UBE3C: variants seen among roughly 807,000 people sequenced by gnomAD.
UBE3C encodes ubiquitin protein ligase E3C.
Under a neutral mutation model 129.4 loss-of-function variants are expected in UBE3C, and 42 were observed. The ratio of observed to expected loss-of-function variants is 0.32; its 90% confidence interval spans 0.25 to 0.42. UBE3C has a LOEUF of 0.42. Among genes scored for constraint, UBE3C ranks in the 10% least tolerant of loss-of-function variants. UBE3C has a pLI of 1.00. For missense variants in UBE3C, 1,049 were observed against 1,319.1 expected, an observed-to-expected ratio of 0.80 and a Z score of 3.17; for synonymous variants, 510 against 492.4, an observed-to-expected ratio of 1.04 and a Z score of -0.47.
intron 10 of UBE3C, chr7:157,198,446 C>A (rs1006881036): frequency 1.5e-5 from 8 of 520,224 alleles, no homozygotes; most frequent in Non-Finnish European, 2.5e-5. Flanking sequence ...CCTGTGCGCT[C>A]GGAGGCCACA....
At position 157,169,181 on chromosome 7, in the gene UBE3C, G is replaced by A. The variant is rs1563037579; in HGVS notation, c.195+59G>A. ...GCATGGGAGAGCTTATTTTAAATATGGTATCTTTGTACACCTTGTTAATTG... is the reference window on the plus strand; with the variant it reads ...GCATGGGAGAGCTTATTTTAAATATAGTATCTTTGTACACCTTGTTAATTG... On this transcript the variant is annotated intron_variant, in intron 3 of 22. Coordinates refer to ENST00000348165, the MANE Select transcript of UBE3C (RefSeq NM_014671.3). 8 of 1,364,908 alleles carry A rather than the reference G, an allele frequency of 5.9e-6. No individual in the cohort carries two copies. The Admixed American group carries it at 1.0e-4, about 18-fold the overall frequency. 84.5% of individuals were successfully genotyped at this position (1,364,908 alleles called of 1,614,324 possible). A position where few individuals can be genotyped will look rare whatever the true frequency, so the allele number is the denominator to read the frequency against.
chr7:157,176,919 G>C (rs970878170), intron 5 of UBE3C, among the ~76,000 whole-genome samples: 7 of 152,168 alleles, frequency 4.6e-5, no homozygotes, highest in African/African-American at 1.7e-4. Flanking sequence ...TTAGTAAGTC[G>C]ACAGTCTTAT....
At chr7:157,163,945 T>A in intron 2 of UBE3C, 82 bp downstream of exon 2, 1 of 1,236,596 alleles carries the variant, frequency 8.1e-7, no homozygotes, top group Middle Eastern at 2.5e-4. Flanking sequence ...TGTATATATG[T>A]ATGTGTGTAT....
chr7:157,264,194 C>G (rs980844242), intron 22 of UBE3C, among the ~76,000 whole-genome samples: 12 of 150,998 alleles, frequency 7.9e-5, no homozygotes, highest in African/African-American at 2.7e-4. Context: ...AGCACAGAGA[C>G]ACACACCTGG....
chr7:157,227,311 G>A (rs1795905232), intron 17 of UBE3C, among the ~76,000 whole-genome samples: 1 of 152,176 alleles, frequency 6.6e-6, no homozygotes, highest in African/African-American at 2.4e-5. Context: ...CACGGGTGCT[G>A]TGGTCAGGGG....
At chr7:157,198,637 C>T (rs914271160) in intron 10 of UBE3C, 7 of 223,460 alleles carry the variant, frequency 3.1e-5, no homozygotes, top group Non-Finnish European at 6.2e-5. Flanking sequence ...AAGGTTCAAG[C>T]GATTCTCCTG....
chr7:157,245,021 A>ATGCTTACATTTGTATCTCAGT (rs1417185306), intron 18 of UBE3C, among the ~76,000 whole-genome samples: 1 of 152,212 alleles, frequency 6.6e-6, no homozygotes. Flanking sequence ...ACCTTGATTT[A>ATGCTTACATTTGTATCTCAGT]TGCTTACATT....
intron 18 of UBE3C, among the ~76,000 whole-genome samples, chr7:157,238,454 A>G (rs1796209774): frequency 6.6e-6 from 1 of 152,158 alleles, no homozygotes; most frequent in South Asian, 2.1e-4. Context: ...AAGTCATCAT[A>G]TTCAAGGAGA....
chr7:157,229,670 C>G (rs1795970297), intron 17 of UBE3C, among the ~76,000 whole-genome samples: 1 of 151,936 alleles, frequency 6.6e-6, no homozygotes, highest in Non-Finnish European at 1.5e-5. Context: ...CACTTTCAGC[C>G]AGGCTGGAGT....
rs760452392 is a variant in UBE3C at position 157,178,821 on chromosome 7, A to G, written c.590A>G (p.Gln197Arg). ...AGCTATGTGGTGTCAGTGATTGAAC[A>G]AATTTTGCACTACATGATTCACAAT... ...DASYVVSVIE[Q>R]ILHYMIHNGY... The change falls in exon 6 of 23, where the codon CAA (glutamine) becomes CGA (arginine). Residue 197 changes from glutamine to arginine, a missense_variant. By Grantham distance (43) the Gln-to-Arg change is conservative. Around this residue, in one of 4 missense-constraint regions of UBE3C, gnomAD observed 489 missense variants for 513.8 expected, o/e 0.95. Transcript: ENST00000348165. The G allele has an allele frequency of 6.2e-7, 1 of 1,614,198 alleles. No homozygotes were observed. Among genetic ancestry groups the G allele is most frequent in the Non-Finnish European group, 8.5e-7 (1 of 1,180,032 alleles).
intron 17 of UBE3C, 40 bp downstream of exon 17, chr7:157,225,579 G>A (rs1396285118): frequency 3.3e-6 from 5 of 1,515,232 alleles, no homozygotes; most frequent in Admixed American, 2.4e-5. Context: ...GGCAGGTGGA[G>A]GCTAGGGAAT....
intron 1 of UBE3C, among the ~76,000 whole-genome samples, chr7:157,159,607 C>T (rs1338138622): frequency 6.6e-6 from 1 of 152,208 alleles, no homozygotes; most frequent in Non-Finnish European, 1.5e-5. Context: ...ATGGCTCATG[C>T]CTGTAATACC....
chr7:157,189,553 T>A (rs1214438792), intron 10 of UBE3C, among the ~76,000 whole-genome samples: 1 of 152,202 alleles, frequency 6.6e-6, no homozygotes, highest in African/African-American at 2.4e-5. Flanking sequence ...AGAGTTTCAT[T>A]GACTGCATTT....
At chr7:157,146,517 G>A (rs1399238572) in intron 1 of UBE3C, among the ~76,000 whole-genome samples, 2 of 152,050 alleles carry the variant, frequency 1.3e-5, no homozygotes, top group Non-Finnish European at 2.9e-5. Flanking sequence ...CCCTGCGTCC[G>A]GCCTTTACGA....
chr7:157,254,126 A>T lies in UBE3C; in HGVS notation c.2867A>T (p.Asp956Val). The T allele has an allele frequency of 6.2e-7, 1 of 1,610,590 alleles. No individual in the cohort carries two copies. Among genetic ancestry groups the T allele is most frequent in the Admixed American group, 1.7e-5 (1 of 59,498 alleles). Residue 956 changes from aspartate (D) to valine (V), a missense_variant, in exon 20 of 23, where the codon GAT (aspartate) becomes GTT (valine). Physicochemically the swap from Asp to Val is radical, Grantham distance 152. Transcript: ENST00000348165. The stretch of plus-strand genomic sequence containing the variant: ...AGCCTCGAGTGGCTCCGAATGTTTG[A>T]TCAGCAAGAAATTCAGGTACCCTAC... ...VVSLEWLRMF[D>V]QQEIQVLISG...
chr7:157,171,571 T>A (rs1037765614), intron 4 of UBE3C, among the ~76,000 whole-genome samples: 7 of 149,682 alleles, frequency 4.7e-5, no homozygotes, highest in Non-Finnish European at 8.9e-5. Context: ...ATAATTTTTT[T>A]AAAAAATGGA....
At chr7:157,220,320 C>T (rs1426852115) in intron 14 of UBE3C, among the ~76,000 whole-genome samples, 1 of 150,432 alleles carries the variant, frequency 6.6e-6, no homozygotes, top group African/African-American at 2.4e-5. Flanking sequence ...CTGCCTCAAC[C>T]AAATTGAAAA....
chr7:157,177,171 A>G (rs1026407484), intron 5 of UBE3C, among the ~76,000 whole-genome samples: 1 of 152,184 alleles, frequency 6.6e-6, no homozygotes, highest in Admixed American at 6.5e-5. Flanking sequence ...TGGTATTGAC[A>G]TTTGTCAAAA....
At chr7:157,165,237 T>TC (rs1373024773) in intron 2 of UBE3C, among the ~76,000 whole-genome samples, 1 of 152,168 alleles carries the variant, frequency 6.6e-6, no homozygotes, top group Non-Finnish European at 1.5e-5. Flanking sequence ...CCTCCTCTCC[T>TC]ACTTGGACGC....
Sources: gnomAD v4.1 joint callset for allele counts (sites outside exome capture counted in the v4.1 genomes callset) on GRCh38, gnomAD v4.1.1 for gene constraint, gnomAD v4.1.1 regional missense constraint, MANE v1.5 for transcripts, NCBI Gene and HGNC (gene_info 2026-07-23, HGNC 2026-07-21) for gene names.